SLC5A4: variants seen among roughly 807,000 people sequenced by gnomAD.
SLC5A4 encodes solute carrier family 5 member 4, also known as probable glucose sensor protein SLC5A4.
A neutral mutation model predicts 70.3 loss-of-function variants in SLC5A4; 55 were observed. The observed-to-expected ratio is 0.78, with a 90% CI of 0.63 to 0.98. The LOEUF is 0.98. Among genes scored for constraint, SLC5A4 ranks in the 50% least tolerant of loss-of-function variants. SLC5A4 has a pLI of 0.00. For missense variants in SLC5A4, 735 were observed against 839.2 expected, an observed-to-expected ratio of 0.88 and a Z score of 1.53; for synonymous variants, 268 against 305.7, an observed-to-expected ratio of 0.88 and a Z score of 1.29.
chr22:32,289,444 A>G, the SLC5A4 span, among the ~76,000 whole-genome samples: 71 of 152,134 alleles, frequency 4.7e-4, no homozygotes, highest in African/African-American at 1.7e-3. Context: ...AGTTCTCAGG[A>G]GATCTGATGG....
chr22:32,304,450 CTT>C, the SLC5A4 span, among the ~76,000 whole-genome samples: 1 of 41,498 alleles, frequency 2.4e-5, no homozygotes, highest in African/African-American at 8.4e-5. Context: ...CTTGTTTTTT[CTT>C]TTTCTTTTTT....
the SLC5A4 span, among the ~76,000 whole-genome samples, chr22:32,312,927 T>C: frequency 2.0e-5 from 3 of 152,224 alleles, no homozygotes; most frequent in Non-Finnish European, 4.4e-5. Flanking sequence ...AGGTTTCCTC[T>C]GAACACATGG....
the SLC5A4 span, among the ~76,000 whole-genome samples, chr22:32,281,946 C>A: frequency 6.6e-6 from 1 of 152,150 alleles, no homozygotes; most frequent in East Asian, 1.9e-4. Context: ...TGGGTTCAAG[C>A]GATTCTCCTG....
chr22:32,247,376 C>G (rs1336156741), intron 5 of SLC5A4, 35 bp downstream of exon 5: 1 of 1,370,062 alleles, frequency 7.3e-7, no homozygotes, highest in East Asian at 2.3e-5. Flanking sequence ...TGACCAACCT[C>G]TTGAAGCTAA....
chr22:32,233,594 A>G (rs928758440), intron 8 of SLC5A4, among the ~76,000 whole-genome samples: 2 of 152,194 alleles, frequency 1.3e-5, no homozygotes, highest in Non-Finnish European at 2.9e-5. Context: ...GTGCTGCCAG[A>G]CTGTGAGAGG....
At chr22:32,270,832 T>A in the SLC5A4 span, 1 of 560,756 alleles carries the variant, frequency 1.8e-6, no homozygotes, top group East Asian at 3.8e-5. Context: ...ACTCCTATAG[T>A]GGCTGCCACG....
the SLC5A4 span, among the ~76,000 whole-genome samples, chr22:32,292,144 ATTC>A: frequency 2.8e-3 from 132 of 46,632 alleles, 2 homozygotes; most frequent in East Asian, 5.4e-3. Flanking sequence ...TATATATTAT[ATTC>A]TATATATTAT....
chr22:32,277,709 G>A, the SLC5A4 span, among the ~76,000 whole-genome samples: 2 of 152,010 alleles, frequency 1.3e-5, no homozygotes, highest in African/African-American at 4.8e-5. Context: ...CACCATGCCT[G>A]GCTAATTTTT....
the SLC5A4 span, among the ~76,000 whole-genome samples, chr22:32,303,624 A>T: frequency 6.6e-6 from 1 of 152,058 alleles, no homozygotes; most frequent in East Asian, 1.9e-4. Flanking sequence ...CATGTCTTTT[A>T]ATGGCTTGAT....
chr22:32,227,404 G>T (rs62239041), intron 11 of SLC5A4, among the ~76,000 whole-genome samples: 25,289 of 152,068 alleles, frequency 0.17, 2,377 homozygotes, highest in African/African-American at 0.23. Context: ...GTCAAGCTCT[G>T]GGCCAAGTGA....
chr22:32,353,569 G>A, the SLC5A4 span, among the ~76,000 whole-genome samples: 4 of 152,008 alleles, frequency 2.6e-5, no homozygotes, highest in African/African-American at 9.7e-5. Context: ...GACACCACCA[G>A]CACCAGGGGG....
At chr22:32,334,322 T>G in the SLC5A4 span, among the ~76,000 whole-genome samples, 1 of 151,822 alleles carries the variant, frequency 6.6e-6, no homozygotes, top group Non-Finnish European at 1.5e-5. Context: ...GCCCCGCCCC[T>G]CCAGCACTGT....
intron 7 of SLC5A4, among the ~76,000 whole-genome samples, chr22:32,235,533 GCTTGGCTCTTTTGATCTTA>G (rs1926008808): frequency 6.6e-6 from 1 of 152,146 alleles, no homozygotes; most frequent in African/African-American, 2.4e-5. Context: ...TTGACCCAGA[GCTTGGCTCTTTTGATCTTA>G]CTTGCAATCT....
chr22:32,340,764 G>T, the SLC5A4 span, among the ~76,000 whole-genome samples: 1 of 152,158 alleles, frequency 6.6e-6, no homozygotes, highest in East Asian at 1.9e-4. Flanking sequence ...AGGGACAGTG[G>T]GGTGGGGTGG....
intron 4 of SLC5A4, among the ~76,000 whole-genome samples, chr22:32,248,487 G>A (rs908744356): frequency 6.6e-6 from 1 of 151,974 alleles, no homozygotes; most frequent in Non-Finnish European, 1.5e-5. Context: ...GCTTCCTGTT[G>A]ACCGACTTCT....
chr22:32,225,300 G>A (rs868639624), intron 12 of SLC5A4, among the ~76,000 whole-genome samples: 4 of 152,070 alleles, frequency 2.6e-5, no homozygotes, highest in African/African-American at 9.7e-5. Context: ...CATAGAATAG[G>A]TGCTATCATT....
intron 13 of SLC5A4, among the ~76,000 whole-genome samples, chr22:32,223,808 G>A (rs1361815660): frequency 2.0e-5 from 3 of 152,140 alleles, no homozygotes; most frequent in African/African-American, 7.2e-5. Flanking sequence ...CATACTAGGT[G>A]CAAATTGTTC....
the SLC5A4 span, among the ~76,000 whole-genome samples, chr22:32,266,659 C>A: frequency 1.3e-5 from 2 of 152,178 alleles, no homozygotes; most frequent in Admixed American, 1.3e-4. Flanking sequence ...ACTGAGCCCC[C>A]GGCAGTCCAA....
the SLC5A4 span, among the ~76,000 whole-genome samples, chr22:32,306,465 C>CA: frequency 0.27 from 37,216 of 135,514 alleles, 4,700 homozygotes; most frequent in East Asian, 0.33. Flanking sequence ...GACTCGGTCT[C>CA]AAAAAAAAAA....
Sources: gnomAD v4.1 joint callset for allele counts (sites outside exome capture counted in the v4.1 genomes callset) on GRCh38, gnomAD v4.1.1 for gene constraint, MANE v1.5 for transcripts, NCBI Gene and HGNC (gene_info 2026-07-23, HGNC 2026-07-21) for gene names.